USP40: variants seen among roughly 807,000 people sequenced by gnomAD.
USP40 encodes the protein ubiquitin specific peptidase 40, also known as ubiquitin carboxyl-terminal hydrolase 40.
In USP40, 143 loss-of-function variants were observed where a neutral mutation model predicts 166.2. The ratio of observed to expected loss-of-function variants is 0.86; its 90% CI spans 0.75 to 0.99. USP40 has a LOEUF of 0.99. Ranked by LOEUF, USP40 falls within the 50% of genes least tolerant of loss-of-function variation. The pLI is 0.00. For missense variants in USP40, 1,444 were observed against 1,479.7 expected (o/e 0.98, Z 0.40); for synonymous variants, 498 against 524.0 (o/e 0.95, Z 0.68).
chr2:233,547,437 G>A (rs1194817850), intron 8 of USP40, among the ~76,000 whole-genome samples: 1 of 152,172 alleles, frequency 6.6e-6, no homozygotes, highest in Non-Finnish European at 1.5e-5. Flanking sequence ...AAAGCTGGCT[G>A]AGTGTCATCA....
At chr2:233,524,424 C>A (rs1435857052) in intron 15 of USP40, 68 bp downstream of exon 15, 11 of 1,411,540 alleles carry the variant, frequency 7.8e-6, no homozygotes, top group Non-Finnish European at 1.1e-5. Context: ...GCCACCATGC[C>A]CGGCCATTAC....
At chr2:233,565,662 G>A (rs2072079990) in intron 1 of USP40, 89 bp from the exon 2 acceptor site, 10 of 1,145,684 alleles carry the variant, frequency 8.7e-6, no homozygotes, top group African/African-American at 3.1e-5. Context: ...CGATTCTGTT[G>A]TTTCTTAGAA....
intron 10 of USP40, among the ~76,000 whole-genome samples, chr2:233,536,415 G>T (rs558698341): frequency 6.6e-6 from 1 of 152,112 alleles, no homozygotes; most frequent in Non-Finnish European, 1.5e-5. Flanking sequence ...TGTCCAAATT[G>T]AAGTAGGAAA....
rs2065770975 is a variant in USP40 at position 233,496,738 on chromosome 2, A to G, written c.2790+20T>C. 1 of 1,598,000 alleles carries G rather than the reference A, an allele frequency of 6.3e-7. No individual in the cohort carries two copies. Among genetic ancestry groups the G allele is most frequent in the Non-Finnish European group, 8.6e-7 (1 of 1,167,192 alleles). ...AACAATTATTACTTAAGAGTTGTCTATTCAGAAGTAAAATCTTACCAGAGG... is the reference window on the plus strand; with the variant it reads ...AACAATTATTACTTAAGAGTTGTCTGTTCAGAAGTAAAATCTTACCAGAGG... On this transcript the variant is annotated intron_variant, in intron 24 of 31. Transcript: ENST00000678225.
chr2:233,564,090 C>G, intron 2 of USP40, among the ~76,000 whole-genome samples: 1 of 152,212 alleles, frequency 6.6e-6, no homozygotes, highest in South Asian at 2.1e-4. Flanking sequence ...TGGAGGGGAT[C>G]GAGTCAAGGC....
At chr2:233,487,673 C>A in intron 28 of USP40, 1 of 204,084 alleles carries the variant, frequency 4.9e-6, no homozygotes, top group Non-Finnish European at 1.0e-5. Context: ...GAAAAAAGAA[C>A]AAGATGGTTT....
chr2:233,556,386 A>G (rs28502608), intron 5 of USP40, among the ~76,000 whole-genome samples: 3 of 152,144 alleles, frequency 2.0e-5, no homozygotes, highest in African/African-American at 7.2e-5. Context: ...TTTATATATA[A>G]TATATAAACA....
chr2:233,498,561 G>A lies in USP40; in HGVS notation c.2702C>T (p.Pro901Leu). 1 of 1,613,210 alleles carries A rather than the reference G, an allele frequency of 6.2e-7. No homozygotes were observed. Among genetic ancestry groups the A allele is most frequent in the African/African-American group, 1.3e-5 (1 of 74,958 alleles). The change falls in exon 23 of 32, where the codon CCT (proline) becomes CTT (leucine). Residue 901 changes from proline (P) to leucine (L), a missense_variant. By Grantham distance (98) the Pro-to-Leu change is moderately conservative (BLOSUM62 -3). Transcript: ENST00000678225. ...KMDWCYEAGE[P>L]LCEEDATLKE... ...AAATCATCTTACTTCTTCACATAAA[G>A]GCTCTCCAGCTTCATAGCACCAATC...
Position 233,485,603 on chromosome 2 carries a change from T to C in USP40, c.3432A>G (p.Lys1144=). ...GCAAATAATCTTGTTTTTTTTTCTT[T>C]TTCCTCTTGGTTATTTGTTGGTTCT... ...SSWNQQITKR[K]KKKKQDYLQG... is the part of the protein sequence containing the mutation. The change falls in exon 30 of 32, where the codon AAA becomes AAG. Residue 1144 remains lysine, a synonymous_variant. Transcript: ENST00000678225. 6.2e-7 allele frequency: 1 copy of C among 1,613,866 alleles called. No homozygotes were observed. The highest frequency in any genetic ancestry group is 8.5e-7 in the Non-Finnish European group (1 of 1,179,816).
intron 11 of USP40, 48 bp from the exon 12 acceptor site, chr2:233,529,560 G>C (rs755155473): frequency 6.9e-7 from 1 of 1,454,290 alleles, no homozygotes; most frequent in South Asian, 1.2e-5. Flanking sequence ...ATGAAATCTG[G>C]TTGCTGGAAG....
At chr2:233,563,285 A>T (rs1354738516) in intron 2 of USP40, among the ~76,000 whole-genome samples, 1 of 152,138 alleles carries the variant, frequency 6.6e-6, no homozygotes, top group Non-Finnish European at 1.5e-5. Context: ...CAGTGGTCTT[A>T]TCTGGAAAAA....
In USP40 at chr2:233,552,130, T is replaced by C. The variant is rs78453417; in HGVS notation, c.694-611A>G. Among the ~76,000 whole-genome samples, 1,300 of 149,468 alleles carry C rather than the reference T, an allele frequency of 8.7e-3. 22 individuals carry two copies. Among genetic ancestry groups the C allele is most frequent in the African/African-American group, 0.03 (1,214 of 40,556 alleles). ...GAGAAAAAAAATCCTCCTTGATATA[T>C]AAAATTACCCATAATCATATATATC... On this transcript the variant is annotated intron_variant, in intron 6 of 31. Coordinates refer to ENST00000678225, the MANE Select transcript of USP40 (RefSeq NM_001365479.2).
chr2:233,477,043 A>G lies in USP40; in HGVS notation c.*349T>C, dbSNP rs61214492. Reference sequence around the variant, plus strand: ...CCCCACACACCTCCCACAGCGGAGCAACGGCATGCCGCTGCCTCCATACCT... The same window carrying G: ...CCCCACACACCTCCCACAGCGGAGCGACGGCATGCCGCTGCCTCCATACCT... On this transcript the variant is annotated 3_prime_UTR_variant, in exon 32 of 32. Transcript: ENST00000678225. 11,078 of 353,100 alleles carry G rather than the reference A, an allele frequency of 0.031. 717 individuals carry two copies. The highest frequency in any genetic ancestry group is 0.17 in the African/African-American group (7,809 of 46,908). 21.9% of individuals were successfully genotyped at this position (353,100 alleles called of 1,614,324 possible).
At chr2:233,556,148 C>T (rs1023847357) in intron 5 of USP40, among the ~76,000 whole-genome samples, 53 of 151,438 alleles carry the variant, frequency 3.5e-4, no homozygotes, top group African/African-American at 1.3e-3. Flanking sequence ...GTAATTTTGT[C>T]CTGATACAAA....
At position 233,499,996 on chromosome 2, in the gene USP40, G is replaced by C. The variant is rs938652679; in HGVS notation, c.2614-81C>G. 2.5e-6 allele frequency: 3 copies of C among 1,219,264 alleles called. No homozygotes were observed. In the African/African-American group the frequency reaches 4.6e-5, roughly 19 times the overall value. 75.5% of individuals were successfully genotyped at this position (1,219,264 alleles called of 1,614,324 possible). ...GGACAAACACCCTTTTTGGACCCTA[G>C]GCCTATTTAAGTCTGACTATATTTA... On this transcript the variant is annotated intron_variant, in intron 21 of 31. Coordinates refer to ENST00000678225, the MANE Select transcript of USP40 (RefSeq NM_001365479.2).
chr2:233,496,919 T>G, intron 23 of USP40, 87 bp from the exon 24 acceptor site: 3 of 948,324 alleles, frequency 3.2e-6, no homozygotes, highest in Non-Finnish European at 3.2e-6. Context: ...GCCTCTATTA[T>G]CTTTTCAAAA....
At chr2:233,495,509 G>A (rs545747371) in intron 24 of USP40, among the ~76,000 whole-genome samples, 2 of 151,852 alleles carry the variant, frequency 1.3e-5, no homozygotes, top group South Asian at 2.1e-4. Flanking sequence ...TGCCTGCATT[G>A]GCCTCCTAAA....
At chr2:233,497,798 C>A (rs1280597377) in intron 23 of USP40, among the ~76,000 whole-genome samples, 1 of 152,240 alleles carries the variant, frequency 6.6e-6, no homozygotes. Context: ...CCAAGAGGGG[C>A]CTCTTGCTAT....
Position 233,486,078 on chromosome 2 carries a change from TTTTTATA to T in USP40, c.3198-108_3198-102del. ...AAAGCTTCTCCTCCAGCTTTTCTGG[TTTTTATA>T]AGGAGAGATTTTTCCCTAAATGCTG... On this transcript the variant is annotated intron_variant, in intron 28 of 31. Coordinates refer to ENST00000678225, the MANE Select transcript of USP40 (RefSeq NM_001365479.2). This position sits in a 1 kb window ranked among gnomAD's most constrained non-coding sequence, Gnocchi z 4.0. 6.1e-6 allele frequency: 8 copies of T among 1,314,636 alleles called. No homozygotes were observed. The highest frequency in any genetic ancestry group is 8.2e-6 in the Non-Finnish European group (8 of 973,966). 81.4% of individuals were successfully genotyped at this position (1,314,636 alleles called of 1,614,324 possible).
Sources: gnomAD v4.1 joint callset for allele counts (sites outside exome capture counted in the v4.1 genomes callset) on GRCh38, gnomAD v4.1.1 for gene constraint, Gnocchi (gnomAD v3.1) non-coding constraint, MANE v1.5 for transcripts, NCBI Gene and HGNC (gene_info 2026-07-23, HGNC 2026-07-21) for gene names.